IRGM: variants seen among roughly 807,000 people sequenced by gnomAD.
IRGM encodes the protein immunity related GTPase M, also known as immunity-related GTPase family M protein.
For missense variants in IRGM, 288 were observed against 219.9 expected (o/e 1.31, Z -1.96); for synonymous variants, 98 against 80.6 (o/e 1.22, Z -1.16).
intron 3 of IRGM, among the ~76,000 whole-genome samples, chr5:150,880,856 G>A (rs1313950862): frequency 2.0e-5 from 3 of 152,196 alleles, no homozygotes; most frequent in Admixed American, 6.5e-5. Flanking sequence ...GCTGGGCACA[G>A]TGGCTCATGC....
At chr5:150,877,366 A>C (rs1754379811) in intron 1 of IRGM, among the ~76,000 whole-genome samples, 1 of 152,156 alleles carries the variant, frequency 6.6e-6, no homozygotes, top group Non-Finnish European at 1.5e-5. Flanking sequence ...ACGTGGGAAG[A>C]CTAGACTGGT....
chr5:150,858,427 A>G (rs1158708721), intron 1 of IRGM, among the ~76,000 whole-genome samples: 1 of 152,170 alleles, frequency 6.6e-6, no homozygotes. Flanking sequence ...TTGGTTCCAT[A>G]TGAACTTTAA....
downstream of IRGM, among the ~76,000 whole-genome samples, chr5:150,849,605 CTTTTTTT>C (rs922246775): frequency 7.8e-6 from 1 of 128,390 alleles, no homozygotes; most frequent in Non-Finnish European, 1.7e-5. Context: ...CTTTTTCTCT[CTTTTTTT>C]TTTTTTTTTT....
At chr5:150,901,151 A>G (rs1754983020), downstream of IRGM, among the ~76,000 whole-genome samples, 1 of 152,082 alleles carries the variant, frequency 6.6e-6, no homozygotes, top group Non-Finnish European at 1.5e-5. Context: ...AGGAAGAAGC[A>G]TTTAATCAAC....
intron 3 of IRGM, chr5:150,898,348 G>A: frequency 6.2e-7 from 1 of 1,607,430 alleles, no homozygotes; most frequent in Non-Finnish European, 8.5e-7. Context: ...ACATATGTCA[G>A]GAACAATCTA....
intron 3 of IRGM, among the ~76,000 whole-genome samples, chr5:150,886,079 C>T (rs980756485): frequency 6.6e-6 from 1 of 152,016 alleles, no homozygotes; most frequent in African/African-American, 2.4e-5. Context: ...TATGTTTCTT[C>T]AATATCTATT....
downstream of IRGM, chr5:150,848,732 T>TGAGTCCAGTGAAATAAA: frequency 8.3e-7 from 1 of 1,211,678 alleles, no homozygotes; most frequent in Non-Finnish European, 1.1e-6. Flanking sequence ...TTTATTTCAC[T>TGAGTCCAGTGAAATAAA]GGACTCATTG....
intron 3 of IRGM, among the ~76,000 whole-genome samples, chr5:150,881,750 A>G (rs1180508061): frequency 2.0e-5 from 3 of 152,336 alleles, no homozygotes; most frequent in Admixed American, 6.5e-5. Flanking sequence ...GGAGAGGGGC[A>G]GTAAAAGATT....
intron 1 of IRGM, among the ~76,000 whole-genome samples, chr5:150,864,156 CT>C (rs147538977): frequency 0.012 from 1,886 of 152,300 alleles, 45 homozygotes; most frequent in African/African-American, 0.043. Flanking sequence ...AGGACAAAAT[CT>C]TACCTGGGAG....
chr5:150,859,662 G>A (rs1258784970), intron 1 of IRGM, among the ~76,000 whole-genome samples: 1 of 152,124 alleles, frequency 6.6e-6, no homozygotes, highest in African/African-American at 2.4e-5. Context: ...TTGGGAGGAT[G>A]TATGTGTCCA....
At chr5:150,896,116 G>GTATT (rs1262685413) in intron 3 of IRGM, 1 of 1,613,230 alleles carries the variant, frequency 6.2e-7, no homozygotes, top group Non-Finnish European at 8.5e-7. Flanking sequence ...TCCCCAGTAT[G>GTATT]TATTCTCTGA....
intron 3 of IRGM, among the ~76,000 whole-genome samples, chr5:150,881,570 A>G (rs1754445695): frequency 6.6e-6 from 1 of 152,198 alleles, no homozygotes; most frequent in Admixed American, 6.5e-5. Context: ...ACACAATAGA[A>G]TTCAAAATGC....
chr5:150,863,182 G>A (rs925788392), intron 1 of IRGM, among the ~76,000 whole-genome samples: 1 of 152,212 alleles, frequency 6.6e-6, no homozygotes, highest in Non-Finnish European at 1.5e-5. Flanking sequence ...TAGAAAGAGA[G>A]ACATCTGTGA....
chr5:150,895,848 G>A (rs771638678), intron 3 of IRGM: 1 of 1,613,600 alleles, frequency 6.2e-7, no homozygotes, highest in Non-Finnish European at 8.5e-7. Flanking sequence ...ACATTCATAA[G>A]GTTTTTCCCC....
chr5:150,896,350 A>C, intron 3 of IRGM: 1 of 1,613,634 alleles, frequency 6.2e-7, no homozygotes, highest in Non-Finnish European at 8.5e-7. Flanking sequence ...CCACAATCAT[A>C]TGGTTTCTTT....
At position 150,856,941 on chromosome 5, in the gene IRGM, T is replaced by TTTATTA. The variant is rs1313039290; in HGVS notation, c.158+8289_158+8294dup. The stretch of plus-strand genomic sequence containing the variant: ...TATTATTTATTATTTATTATTTTAT[T>TTTATTA]TTATTATACTTTAAGGTTTAGCGTA... On this transcript the variant is annotated intron_variant and NMD_transcript_variant, in intron 1 of 3. Transcript: ENST00000520549. Among the ~76,000 whole-genome samples the TTTATTA allele has an allele frequency of 9.3e-4, 139 of 149,008 alleles. 1 individual carries two copies. Among genetic ancestry groups the TTTATTA allele is most frequent in the African/African-American group, 3.3e-3 (133 of 40,766 alleles).
At chr5:150,869,793 C>T (rs1056697546) in intron 1 of IRGM, among the ~76,000 whole-genome samples, 7 of 152,076 alleles carry the variant, frequency 4.6e-5, no homozygotes, top group Non-Finnish European at 8.8e-5. Context: ...TTCCAATTTG[C>T]TTCAAATGCC....
intron 3 of IRGM, chr5:150,898,133 T>G (rs759489702): frequency 6.2e-7 from 1 of 1,613,556 alleles, no homozygotes; most frequent in African/African-American, 1.3e-5. Context: ...GATCCATGGC[T>G]CTTCTCCTTG....
At chr5:150,867,642 A>AT (rs56779347) in intron 1 of IRGM, among the ~76,000 whole-genome samples, 7,607 of 149,640 alleles carry the variant, frequency 0.051, 484 homozygotes, top group African/African-American at 0.15. Flanking sequence ...GCCAACATCT[A>AT]TTTTTTTTTT....
Sources: gnomAD v4.1 joint callset for allele counts (sites outside exome capture counted in the v4.1 genomes callset) on GRCh38, gnomAD v4.1.1 for gene constraint, MANE v1.5 for transcripts, NCBI Gene and HGNC (gene_info 2026-07-23, HGNC 2026-07-21) for gene names.